CDH18: variants seen among roughly 807,000 people sequenced by gnomAD.
CDH18 encodes the protein cadherin 18.
A neutral mutation model predicts 67.9 loss-of-function variants in CDH18; 31 were observed. The observed-to-expected ratio is 0.46, with a 90% confidence interval of 0.34 to 0.62. CDH18 has a LOEUF of 0.62. CDH18 is among the 20% of genes least tolerant of loss of function. The probability of loss-of-function intolerance (pLI) is 0.01; values close to 1 mark genes in which losing one functional copy is unlikely to be tolerated. For synonymous variants in CDH18, 362 were observed against 347.2 expected, an observed-to-expected ratio of 1.04 and a Z score of -0.48; for missense variants, 890 against 975.5, an observed-to-expected ratio of 0.91 and a Z score of 1.17.
At chr5:19,511,560 C>T (rs1350143530) in intron 10 of CDH18, among the ~76,000 whole-genome samples, 1 of 152,068 alleles carries the variant, frequency 6.6e-6, no homozygotes, top group Non-Finnish European at 1.5e-5. Flanking sequence ...GATGAGGAAC[C>T]TGTTGCAAAC....
chr5:20,343,435 TC>T (rs1740433594), intron 1 of CDH18, among the ~76,000 whole-genome samples: 1 of 152,022 alleles, frequency 6.6e-6, no homozygotes, highest in African/African-American at 2.4e-5. Flanking sequence ...GAATGCCATG[TC>T]CCCCTGAGGA....
intron 1 of CDH18, among the ~76,000 whole-genome samples, chr5:20,462,488 A>G (rs779533044): frequency 8.5e-4 from 130 of 152,232 alleles, no homozygotes; most frequent in Non-Finnish European, 1.5e-3. Context: ...TAGCTAGAAC[A>G]GAGAACTTGA....
chr5:19,757,751 C>A (rs1253353155), intron 3 of CDH18, among the ~76,000 whole-genome samples: 8 of 152,174 alleles, frequency 5.3e-5, no homozygotes, highest in African/African-American at 1.7e-4. Flanking sequence ...AGTCCCTGGC[C>A]ATCCAGACAA....
chr5:20,218,234 T>C (rs1013561367), intron 2 of CDH18, among the ~76,000 whole-genome samples: 1 of 151,878 alleles, frequency 6.6e-6, no homozygotes, highest in Non-Finnish European at 1.5e-5. Context: ...CCTAGGCACA[T>C]GGATGACACT....
chr5:19,473,179 C>G lies in CDH18; in HGVS notation c.*47G>C, dbSNP rs373129280. ...CCTTGTCATTGCTGAGGTTGTATAT[C>G]CACTTACTCAGGAAGCAAATTCCAC... On this transcript the variant is annotated 3_prime_UTR_variant, in exon 13 of 13. Coordinates refer to ENST00000382275, the MANE Select transcript of CDH18 (RefSeq NM_004934.5). 2.1e-5 allele frequency: 34 copies of G among 1,585,234 alleles called. No individual in the cohort carries two copies. The Middle Eastern group carries it at 6.8e-4, about 32-fold the overall frequency.
At chr5:20,440,169 A>G (rs1039609088) in intron 1 of CDH18, among the ~76,000 whole-genome samples, 8 of 151,958 alleles carry the variant, frequency 5.3e-5, no homozygotes, top group African/African-American at 1.9e-4. Context: ...TTTTGACAAT[A>G]TAATACAGAA....
intron 2 of CDH18, among the ~76,000 whole-genome samples, chr5:19,873,087 T>C (rs1184320309): frequency 1.3e-5 from 2 of 152,132 alleles, no homozygotes; most frequent in Non-Finnish European, 2.9e-5. Context: ...TTTATTCTAG[T>C]TACATGTTAT....
intron 2 of CDH18, among the ~76,000 whole-genome samples, chr5:20,191,445 T>C (rs1364358454): frequency 3.9e-5 from 6 of 152,126 alleles, no homozygotes; most frequent in African/African-American, 1.4e-4. Context: ...GAATTTTTGT[T>C]ACATTGGTAT....
intron 3 of CDH18, among the ~76,000 whole-genome samples, chr5:19,808,329 C>A (rs5024079): frequency 0.42 from 60,141 of 144,154 alleles, 12,503 homozygotes; most frequent in Middle Eastern, 0.56. Flanking sequence ...AAAAAAAAAA[C>A]AAAAATAAAA....
At chr5:20,284,846 T>G (rs1217873734) in intron 1 of CDH18, among the ~76,000 whole-genome samples, 1 of 151,904 alleles carries the variant, frequency 6.6e-6, no homozygotes, top group Admixed American at 6.6e-5. Flanking sequence ...ACCAATGTAT[T>G]TAGGATCTGT....
At chr5:19,521,973 A>G (rs1746971818) in intron 9 of CDH18, among the ~76,000 whole-genome samples, 1 of 152,136 alleles carries the variant, frequency 6.6e-6, no homozygotes, top group African/African-American at 2.4e-5. Flanking sequence ...CTCACGACAC[A>G]TATTAAGTGT....
chr5:20,184,458 A>G (rs569590293), intron 2 of CDH18, among the ~76,000 whole-genome samples: 21 of 152,076 alleles, frequency 1.4e-4, no homozygotes, highest in African/African-American at 5.1e-4. Flanking sequence ...GAAAACGATG[A>G]CTCTTTTCTA....
chr5:19,498,144 G>T (rs1742653845), intron 11 of CDH18, among the ~76,000 whole-genome samples: 1 of 152,018 alleles, frequency 6.6e-6, no homozygotes, highest in Admixed American at 6.6e-5. Context: ...TAAATTGTAA[G>T]AAAACATGCC....
intron 1 of CDH18, among the ~76,000 whole-genome samples, chr5:20,374,486 T>A (rs1743253944): frequency 6.6e-6 from 1 of 152,150 alleles, no homozygotes; most frequent in Non-Finnish European, 1.5e-5. Flanking sequence ...GGGTTTGAAT[T>A]TAATCTAAGG....
At chr5:19,935,795 A>ATT (rs574412040) in intron 2 of CDH18, among the ~76,000 whole-genome samples, 1 of 117,314 alleles carries the variant, frequency 8.5e-6, no homozygotes, top group Non-Finnish European at 1.8e-5. Context: ...ACAGTCAGGA[A>ATT]CTCTCTCTCT....
chr5:20,148,634 A>T (rs1339948644), intron 2 of CDH18, among the ~76,000 whole-genome samples: 2 of 152,104 alleles, frequency 1.3e-5, no homozygotes, highest in Non-Finnish European at 2.9e-5. Context: ...CACTAAGCTT[A>T]AAGAACTGAG....
chr5:19,821,481 C>G (rs1261894859), intron 3 of CDH18, among the ~76,000 whole-genome samples: 1 of 149,296 alleles, frequency 6.7e-6, no homozygotes, highest in Non-Finnish European at 1.5e-5. Flanking sequence ...GTAAAGAGAA[C>G]AAACCCACAA....
rs3062879 is a variant in CDH18 at position 19,611,949 on chromosome 5, C to CGTGTGTGTGTGT, written c.811+473_811+484dup. 7.2e-3 allele frequency among the ~76,000 whole-genome samples: 1,008 copies of CGTGTGTGTGTGT among 139,098 alleles called. 10 individuals carry two copies. The highest frequency in any genetic ancestry group is 0.018 in the African/African-American group (693 of 37,856). The allele number at this position is 139,098 out of a possible 152,430, so 91.3% of individuals were successfully genotyped here. A position where few individuals can be genotyped will look rare whatever the true frequency, so the allele number is the denominator to read the frequency against. On this transcript the variant is annotated intron_variant, in intron 6 of 12. Coordinates refer to ENST00000382275, the MANE Select transcript of CDH18 (RefSeq NM_004934.5). ...AACTTCAACTTGCTTTTGGATGATG[C>CGTGTGTGTGTGT]GTGTGTGTGTGTGTGTGTGTGTGTG...
At chr5:19,936,156 C>T (rs1054016521) in intron 2 of CDH18, among the ~76,000 whole-genome samples, 1 of 151,244 alleles carries the variant, frequency 6.6e-6, no homozygotes, top group Non-Finnish European at 1.5e-5. Flanking sequence ...TTCTGTCACA[C>T]AATTGATTCC....
Sources: gnomAD v4.1 joint callset for allele counts (sites outside exome capture counted in the v4.1 genomes callset) on GRCh38, gnomAD v4.1.1 for gene constraint, MANE v1.5 for transcripts, NCBI Gene and HGNC (gene_info 2026-07-23, HGNC 2026-07-21) for gene names.